DIP2C: variants seen among roughly 807,000 people sequenced by gnomAD.
DIP2C encodes disco-interacting protein 2 homolog C.
A neutral mutation model predicts 192.4 loss-of-function variants in DIP2C; 33 were observed. That is an observed-to-expected ratio of 0.17 (90% CI 0.13 to 0.23). The LOEUF (loss-of-function observed/expected upper bound fraction) is 0.23. Among genes scored for constraint, DIP2C ranks in the 10% least tolerant of loss-of-function variants. The pLI is 1.00. For missense variants in DIP2C, 1,537 were observed against 2,110.1 expected (o/e 0.73, Z 5.32); for synonymous variants, 979 against 864.1 (o/e 1.13, Z -2.33).
intron 1 of DIP2C, among the ~76,000 whole-genome samples, chr10:557,606 A>G (rs1369218222): frequency 7.2e-6 from 1 of 138,414 alleles, no homozygotes. Flanking sequence ...AGTGAAAAAC[A>G]ACAATCTGTA....
chr10:532,592 GGT>G (rs1181396718), intron 1 of DIP2C, among the ~76,000 whole-genome samples: 5 of 139,962 alleles, frequency 3.6e-5, no homozygotes, highest in African/African-American at 1.4e-4. Flanking sequence ...AGAGAGTATG[GGT>G]GTGAGAGAGA....
intron 1 of DIP2C, among the ~76,000 whole-genome samples, chr10:578,755 T>C (rs548890535): frequency 2.6e-5 from 4 of 151,970 alleles, no homozygotes; most frequent in Non-Finnish European, 5.9e-5. Context: ...ATGCATAGTG[T>C]ACACACATCC....
At chr10:487,573 T>G (rs922569760) in intron 1 of DIP2C, among the ~76,000 whole-genome samples, 11 of 107,444 alleles carry the variant, frequency 1.0e-4, no homozygotes, top group South Asian at 1.0e-3. Context: ...GAGTGTTTTT[T>G]TTTTTTTTTT....
chr10:569,309 TCA>T (rs1213611732), intron 1 of DIP2C, among the ~76,000 whole-genome samples: 5 of 152,192 alleles, frequency 3.3e-5, no homozygotes, highest in Non-Finnish European at 5.9e-5. Context: ...CCAGGAAAAG[TCA>T]CACTTTTGAA....
chr10:323,598 G>C (rs532406022), intron 31 of DIP2C, among the ~76,000 whole-genome samples: 70 of 152,190 alleles, frequency 4.6e-4, no homozygotes, highest in Non-Finnish European at 1.8e-4. Flanking sequence ...AATTCTGGCA[G>C]TGTCTTAATT....
chr10:326,958 C>A, intron 31 of DIP2C, 48 bp downstream of exon 31: 1 of 1,577,540 alleles, frequency 6.3e-7, no homozygotes, highest in Non-Finnish European at 8.6e-7. Context: ...TGTACCCACC[C>A]CGGGAGCCAC....
rs1294287087 is a variant in DIP2C, at chr10:316,717, C to T, written c.3925-6625G>A. Among the ~76,000 whole-genome samples the T allele has an allele frequency of 2.0e-5, 3 of 152,340 alleles. 1 individual carries two copies. The South Asian group carries it at 6.2e-4, about 32-fold the overall frequency. ...AGCCCTCAGGAGCCCCTGCCTTTTG[C>T]ACACTAAAGGTTCAGAGTGCCTCAG... On this transcript the variant is annotated intron_variant, in intron 31 of 36. Coordinates refer to ENST00000280886, the MANE Select transcript of DIP2C (RefSeq NM_014974.3).
chr10:479,721 TTA>T (rs1843446090), intron 2 of DIP2C, among the ~76,000 whole-genome samples: 1 of 152,178 alleles, frequency 6.6e-6, no homozygotes, highest in Admixed American at 6.5e-5. Context: ...CCTTTTCCTA[TTA>T]TAATGTTTTA....
intron 28 of DIP2C, among the ~76,000 whole-genome samples, chr10:344,395 GGGGC>G (rs915374667): frequency 5.8e-5 from 7 of 119,756 alleles, no homozygotes; most frequent in African/African-American, 2.0e-4. Flanking sequence ...GGGCGGGGGC[GGGGC>G]GGGGGGGGGT....
At chr10:393,785 A>AG (rs1280337565) in intron 10 of DIP2C, among the ~76,000 whole-genome samples, 3 of 145,834 alleles carry the variant, frequency 2.1e-5, no homozygotes, top group Non-Finnish European at 4.6e-5. Flanking sequence ...TCTCAAAAAA[A>AG]AAAAAAAAAA....
At chr10:600,968 C>T (rs751131657) in intron 1 of DIP2C, among the ~76,000 whole-genome samples, 8 of 152,180 alleles carry the variant, frequency 5.3e-5, no homozygotes, top group Non-Finnish European at 8.8e-5. Flanking sequence ...GTGTCACGTG[C>T]ACACATGGGT....
chr10:326,952 C>G, intron 31 of DIP2C, 54 bp downstream of exon 31: 1 of 1,571,862 alleles, frequency 6.4e-7, no homozygotes, highest in African/African-American at 1.3e-5. Flanking sequence ...CTGTGCTGTA[C>G]CCACCCCGGG....
At chr10:366,665 G>A (rs1960251756) in intron 18 of DIP2C, among the ~76,000 whole-genome samples, 1 of 148,154 alleles carries the variant, frequency 6.7e-6, no homozygotes. Flanking sequence ...TGCGCAAGTT[G>A]TATTTAGGGG....
chr10:432,150 T>A (rs2133221538), intron 4 of DIP2C, among the ~76,000 whole-genome samples: 1 of 152,330 alleles, frequency 6.6e-6, no homozygotes, highest in South Asian at 2.1e-4. Flanking sequence ...GCATCTGTGT[T>A]CATGAGAGAT....
At chr10:478,567 C>G (rs896303504) in intron 2 of DIP2C, among the ~76,000 whole-genome samples, 4 of 151,664 alleles carry the variant, frequency 2.6e-5, no homozygotes, top group Non-Finnish European at 5.9e-5. Context: ...AAATTCCTGT[C>G]TTATTCCCAC....
At position 428,107 on chromosome 10, in the gene DIP2C, C is replaced by T. The variant is rs570302998; in HGVS notation, c.395-5074G>A. On this transcript the variant is annotated intron_variant, in intron 4 of 36. Coordinates refer to ENST00000280886, the MANE Select transcript of DIP2C (RefSeq NM_014974.3). ...TAAACTACTGATGCATGGTACAGCA[C>T]GGACTTCAAAACAGGTGAAGGTGTA... Among the ~76,000 whole-genome samples the T allele has an allele frequency of 8.5e-5, 13 of 152,186 alleles. 1 individual carries two copies. In the South Asian group the frequency reaches 1.5e-3, roughly 17 times the overall value.
chr10:357,444 G>A (rs781575640), intron 23 of DIP2C, among the ~76,000 whole-genome samples: 13 of 152,320 alleles, frequency 8.5e-5, no homozygotes, highest in Admixed American at 2.6e-4. Context: ...GACCGTGCGC[G>A]GGACAAGGAC....
At chr10:582,174 C>T (rs1564228676) in intron 1 of DIP2C, among the ~76,000 whole-genome samples, 1 of 152,192 alleles carries the variant, frequency 6.6e-6, no homozygotes, top group Non-Finnish European at 1.5e-5. Context: ...AACCCGGTTC[C>T]TAACAGACCG....
chr10:613,580 A>G (rs1454605387), intron 1 of DIP2C, among the ~76,000 whole-genome samples: 1 of 152,192 alleles, frequency 6.6e-6, no homozygotes, highest in African/African-American at 2.4e-5. Flanking sequence ...CCTCTCAATA[A>G]TTGTCACTGT....
Sources: gnomAD v4.1 joint callset for allele counts (sites outside exome capture counted in the v4.1 genomes callset) on GRCh38, gnomAD v4.1.1 for gene constraint, MANE v1.5 for transcripts, NCBI Gene and HGNC (gene_info 2026-07-23, HGNC 2026-07-21) for gene names.